The following KRT80 variants were observed in gnomAD, a reference collection of about 807,000 sequenced individuals.
KRT80 encodes keratin, type II cytoskeletal 80.
KRT80 carries 36 observed loss-of-function variants against 51.5 expected under a neutral mutation model. The observed-to-expected ratio is 0.70, with a 90% CI of 0.54 to 0.92. The LOEUF (loss-of-function observed/expected upper bound fraction) is 0.92. Ranked by LOEUF, KRT80 falls within the 40% of genes least tolerant of loss-of-function variation. The pLI is 0.00. For missense variants in KRT80, 566 were observed against 591.7 expected (o/e 0.96, Z 0.45); for synonymous variants, 235 against 248.3 (o/e 0.95, Z 0.50).
chr12:52,175,742 G>T (rs895543362), intron 4 of KRT80, among the ~76,000 whole-genome samples: 4 of 152,074 alleles, frequency 2.6e-5, no homozygotes, highest in Middle Eastern at 3.2e-3. Flanking sequence ...TGGGGGTTTT[G>T]GTTGATCTTC....
Position 52,169,609 on chromosome 12 carries a change from G to A in KRT80, c.*1789C>T, listed in dbSNP as rs1488373239. On this transcript the variant is annotated 3_prime_UTR_variant, in exon 9 of 9. Coordinates refer to ENST00000394815, the MANE Select transcript of KRT80 (RefSeq NM_182507.3). ...CCCAAGATAGCCAATCAGGTGAGGT[G>A]GCTGGAGTATGTGTTATCTTTCCAG... The A allele has an allele frequency of 6.5e-6, 1 of 152,674 alleles. No homozygotes were observed. Among genetic ancestry groups the A allele is most frequent in the Non-Finnish European group, 1.5e-5 (1 of 68,036 alleles). The allele number at this position is 152,674 out of a possible 1,614,324, so 9.5% of individuals were successfully genotyped here.
chr12:52,185,609 G>A (rs780247877), intron 1 of KRT80, 22 bp from the exon 2 acceptor site: 20 of 1,599,364 alleles, frequency 1.3e-5, no homozygotes, highest in African/African-American at 2.7e-5. Context: ...GGAAGGCGGC[G>A]AATGGGTCAG....
chr12:52,175,658 G>A lies in KRT80; in HGVS notation c.667-1894C>T, dbSNP rs1394488189. On this transcript the variant is annotated intron_variant, in intron 4 of 8. Coordinates refer to ENST00000394815, the MANE Select transcript of KRT80 (RefSeq NM_182507.3). ...GGCGGGCATTCGGAAGCCCCTCTGG[G>A]GGACAGCCTGTCTCTGCCCTGGAGC... is the stretch of plus-strand genomic sequence containing the variant. Among the ~76,000 whole-genome samples the A allele has an allele frequency of 8.5e-5, 13 of 152,102 alleles. No homozygotes were observed. The South Asian group carries it at 2.5e-3, about 29-fold the overall frequency.
intron 1 of KRT80, 121 bp from the exon 2 acceptor site, chr12:52,185,708 C>T: frequency 1.3e-6 from 2 of 1,524,756 alleles, no homozygotes; most frequent in Non-Finnish European, 1.8e-6. Flanking sequence ...TTTATGCACA[C>T]CACCCAGGGC....
intron 3 of KRT80, 136 bp downstream of exon 3, chr12:52,180,767 C>A: frequency 1.3e-6 from 2 of 1,584,800 alleles, no homozygotes; most frequent in African/African-American, 1.3e-5. Flanking sequence ...GGGGGTATCT[C>A]CCTGTCTGTC....
rs777826941 is a variant in KRT80 at position 52,171,705 on chromosome 12, G to A, written c.1187C>T (p.Ser396Leu). Residue 396 changes from serine (S) to leucine (L), a missense_variant, in exon 8 of 9, where the codon TCG becomes TTG. Physicochemically the swap from Ser to Leu is moderately radical, Grantham distance 145 (BLOSUM62 -2). Coordinates refer to ENST00000394815, the MANE Select transcript of KRT80 (RefSeq NM_182507.3). ...LVEGEEGRMDSPSATVVSAVQ... is the reference protein window; with the variant it reads ...LVEGEEGRMDLPSATVVSAVQ... ...AGCGCTGACCACAGTGGCTGAGGGCGAGTCCATCCTGGGGGTGGGGGACGG... is the reference window on the plus strand; with the variant it reads ...AGCGCTGACCACAGTGGCTGAGGGCAAGTCCATCCTGGGGGTGGGGGACGG... 48 of 1,341,060 alleles carry A rather than the reference G, an allele frequency of 3.6e-5. No individual in the cohort carries two copies. The highest frequency in any genetic ancestry group is 4.5e-5 in the Non-Finnish European group (44 of 982,364). The allele number at this position is 1,341,060 out of a possible 1,614,324, so 83.1% of individuals were successfully genotyped here.
chr12:52,184,310 G>T (rs999487234), intron 2 of KRT80, among the ~76,000 whole-genome samples: 7 of 152,124 alleles, frequency 4.6e-5, no homozygotes, highest in African/African-American at 1.7e-4. Context: ...AAGGAGGTCG[G>T]TGCAGGGCAC....
At chr12:52,188,084 C>A (rs143243571) in intron 1 of KRT80, among the ~76,000 whole-genome samples, 1 of 151,986 alleles carries the variant, frequency 6.6e-6, no homozygotes, top group Admixed American at 6.5e-5. Context: ...TCTCAGTGGG[C>A]GGGGATGGAA....
rs199915617 is a variant in KRT80 at position 52,185,548 on chromosome 12, G to T, written c.340C>A (p.Arg114Ser). 4.3e-6 allele frequency: 7 copies of T among 1,612,102 alleles called. No individual in the cohort carries two copies. Among genetic ancestry groups the T allele is most frequent in the Middle Eastern group, 3.3e-4 (2 of 6,082 alleles). The change falls in exon 2 of 9, where the codon CGC becomes AGC. Residue 114 changes from arginine to serine, a missense_variant. Arg to Ser is a moderately radical substitution (Grantham distance 110). Coordinates refer to ENST00000394815, the MANE Select transcript of KRT80 (RefSeq NM_182507.3). ...TCCTGGCCCTGCAGGAAGCTCCAGC[G>T]TGTCTCCAGCAGCTGGTTGCGCTGT... ...LEQRNQLLET[R>S]WSFLQGQDSA...
chr12:52,172,263 G>A lies in KRT80; in HGVS notation c.1113C>T (p.Asn371=), dbSNP rs3741736. Residue 371 remains asparagine, a synonymous_variant, in exon 7 of 9, where the codon AAC becomes AAT. Transcript: ENST00000394815. ...TCTCGATGTCCAGGGCCAGCTTGACGTTCATCAGCTCCTGGTACTTGCGCA... is the reference window on the plus strand; with the variant it reads ...TCTCGATGTCCAGGGCCAGCTTGACATTCATCAGCTCCTGGTACTTGCGCA... ...RQLRKYQELM[N]VKLALDIEIA... 0.38 allele frequency: 616,999 copies of A among 1,613,864 alleles called. 119,786 individuals carry two copies. Among genetic ancestry groups the A allele is most frequent in the Non-Finnish European group, 0.39 (465,988 of 1,179,936 alleles).
At chr12:52,177,445 C>T (rs145303970) in intron 4 of KRT80, among the ~76,000 whole-genome samples, 59 of 152,170 alleles carry the variant, frequency 3.9e-4, no homozygotes, top group African/African-American at 1.3e-3. Context: ...AGGTGGCATT[C>T]CGACTGGATG....
chr12:52,170,786 C>T lies in KRT80; in HGVS notation c.*612G>A, dbSNP rs1229405463. 1.3e-5 allele frequency: 2 copies of T among 152,870 alleles called. No homozygotes were observed. The highest frequency in any genetic ancestry group is 1.3e-4 in the Admixed American group (2 of 15,292). 9.5% of individuals were successfully genotyped at this position (152,870 alleles called of 1,614,324 possible). A position where few individuals can be genotyped will look rare whatever the true frequency, so the allele number is the denominator to read the frequency against. ...TTCGGGCTGATCTCTGGGGCCTAGG[C>T]TTAGGTCCCAAATAGCCAGGGCCCC... On this transcript the variant is annotated 3_prime_UTR_variant, in exon 9 of 9. Transcript: ENST00000394815.
chr12:52,185,612 TGGGTCA>T, intron 1 of KRT80, 25 bp from the exon 2 acceptor site: 1 of 1,598,834 alleles, frequency 6.3e-7, no homozygotes, highest in Non-Finnish European at 8.5e-7. Context: ...AGGCGGCGAA[TGGGTCA>T]GGTGTGGACC....
intron 5 of KRT80, 139 bp from the exon 6 acceptor site, chr12:52,173,302 T>C: frequency 8.4e-7 from 1 of 1,185,232 alleles, no homozygotes; most frequent in Non-Finnish European, 1.1e-6. Flanking sequence ...CTCCCTCAGC[T>C]CCCCCTTCCA....
intron 4 of KRT80, among the ~76,000 whole-genome samples, chr12:52,173,968 TC>T (rs1941171089): frequency 6.6e-6 from 1 of 152,170 alleles, no homozygotes; most frequent in African/African-American, 2.4e-5. Flanking sequence ...TGCCCACTGC[TC>T]ACCCACCCAC....
chr12:52,171,513 C>T lies in KRT80; in HGVS notation c.1244G>A (p.Arg415Lys). ...GGAGGGGGCCTTGGAGAGGCCTGATCTGGAGGCAGCTACAGGGAACATAAG... is the reference window on the plus strand; with the variant it reads ...GGAGGGGGCCTTGGAGAGGCCTGATTTGGAGGCAGCTACAGGGAACATAAG... ...VQSRCKTAAS[R>K]SGLSKAPSRK... The change falls in exon 9 of 9, where the codon AGA (arginine) becomes AAA (lysine). Residue 415 changes from arginine (R) to lysine (K), a missense_variant. Arg to Lys is a conservative substitution (Grantham distance 26). Coordinates refer to ENST00000394815, the MANE Select transcript of KRT80 (RefSeq NM_182507.3). 3.1e-6 allele frequency: 5 copies of T among 1,613,488 alleles called. No individual in the cohort carries two copies. Among genetic ancestry groups the T allele is most frequent in the Non-Finnish European group, 4.2e-6 (5 of 1,179,732 alleles).
chr12:52,182,246 G>T (rs574207052), intron 2 of KRT80, among the ~76,000 whole-genome samples: 57 of 152,166 alleles, frequency 3.7e-4, no homozygotes, highest in Non-Finnish European at 7.8e-4. Flanking sequence ...GAACTAAATT[G>T]GACTTGAGTG....
chr12:52,175,551 C>T (rs1039513300), intron 4 of KRT80, among the ~76,000 whole-genome samples: 1 of 152,020 alleles, frequency 6.6e-6, no homozygotes, highest in African/African-American at 2.4e-5. Context: ...GGATGAGGGG[C>T]CAGCTAGGGC....
chr12:52,174,509 C>A (rs1941186089), intron 4 of KRT80, among the ~76,000 whole-genome samples: 1 of 152,278 alleles, frequency 6.6e-6, no homozygotes, highest in African/African-American at 2.4e-5. Flanking sequence ...TCACCGTCTC[C>A]TATCCCTGGA....
Sources: allele counts gnomAD v4.1 joint callset (sites outside exome capture counted in the v4.1 genomes callset), GRCh38; gene constraint gnomAD v4.1.1; transcripts MANE v1.5; gene names NCBI Gene and HGNC (gene_info 2026-07-23, HGNC 2026-07-21).